Variants in EVC observed in about 807,000 individuals in gnomAD.
EVC encodes the protein evC complex member EVC.
EVC carries 116 observed loss-of-function variants against 118.9 expected under a neutral mutation model. The ratio of observed to expected loss-of-function variants is 0.98; its 90% confidence interval spans 0.84 to 1.14. The LOEUF is 1.14. Among genes scored for constraint, EVC ranks in the 50% most tolerant of loss-of-function variants. EVC has a pLI of 0.00. For synonymous variants in EVC, 619 were observed against 534.7 expected, an observed-to-expected ratio of 1.16 and a Z score of -2.18; for missense variants, 1,401 against 1,246.4, an observed-to-expected ratio of 1.12 and a Z score of -1.87.
rs1712365410 is a variant in EVC, at chr4:5,789,558, C to CT, written c.1777-4049dup. ...GACACTAACAAACTTTCAGCACATG[C>CT]TAGGCATCAATCAATAGATCTTTCC... On this transcript the variant is annotated intron_variant, in intron 12 of 20. Transcript: ENST00000264956. The surrounding 1 kb of genome is among the most constrained non-coding windows in gnomAD (Gnocchi z 4.3). Among the ~76,000 whole-genome samples the CT allele has an allele frequency of 6.6e-6, 1 of 152,198 alleles. No individual in the cohort carries two copies. The highest frequency in any genetic ancestry group is 6.5e-5 in the Admixed American group (1 of 15,280).
At chr4:5,716,794 C>T (rs1724036028) in intron 1 of EVC, among the ~76,000 whole-genome samples, 1 of 152,090 alleles carries the variant, frequency 6.6e-6, no homozygotes, top group Non-Finnish European at 1.5e-5. Flanking sequence ...ATTTGCAGGC[C>T]CTTAAAAAGG....
At chr4:5,819,954 G>A in the EVC span, among the ~76,000 whole-genome samples, 17 of 152,174 alleles carry the variant, frequency 1.1e-4, no homozygotes, top group Admixed American at 5.2e-4. Context: ...AAAGCCCTGC[G>A]TTGATGTGGG....
intron 9 of EVC, among the ~76,000 whole-genome samples, chr4:5,753,278 C>T (rs1353761281): frequency 6.6e-6 from 1 of 152,228 alleles, no homozygotes; most frequent in Non-Finnish European, 1.5e-5. Context: ...GCAGGGGTCA[C>T]CTGCTGCACT....
chr4:5,814,647 C>T (rs572300663), downstream of EVC, among the ~76,000 whole-genome samples: 5 of 152,142 alleles, frequency 3.3e-5, no homozygotes, highest in African/African-American at 1.2e-4. Context: ...TAGCAGATGC[C>T]CTTCCCCTTC....
At chr4:5,817,557 A>G (rs16837698), downstream of EVC, among the ~76,000 whole-genome samples, 6,433 of 152,322 alleles carry the variant, frequency 0.042, 463 homozygotes, top group African/African-American at 0.14. Flanking sequence ...ACTAAGAGAA[A>G]AATAGAAAGT....
chr4:5,750,186 A>C (rs1337920989), intron 8 of EVC, among the ~76,000 whole-genome samples: 1 of 152,294 alleles, frequency 6.6e-6, no homozygotes, highest in Admixed American at 6.5e-5. Context: ...CTGGGCCTGA[A>C]GCTTCCTGGT....
At chr4:5,740,146 TTAAATG>T (rs910569548) in intron 5 of EVC, among the ~76,000 whole-genome samples, 2 of 151,984 alleles carry the variant, frequency 1.3e-5, no homozygotes, top group African/African-American at 4.8e-5. Context: ...GATCACATAC[TTAAATG>T]TAAACAGTAA....
chr4:5,739,095 A>G (rs953920785), intron 5 of EVC, among the ~76,000 whole-genome samples: 4 of 152,216 alleles, frequency 2.6e-5, no homozygotes, highest in East Asian at 1.9e-4. Flanking sequence ...AATCAACCCT[A>G]CAATACCTCC....
intron 1 of EVC, among the ~76,000 whole-genome samples, chr4:5,718,956 T>C (rs1724460148): frequency 6.6e-6 from 1 of 152,168 alleles, no homozygotes; most frequent in African/African-American, 2.4e-5. Flanking sequence ...TGGAACGAGC[T>C]TTGCTCTGCC....
the EVC span, chr4:5,828,539 G>T: frequency 2.5e-6 from 4 of 1,614,100 alleles, no homozygotes; most frequent in Non-Finnish European, 3.4e-6. Flanking sequence ...AACGCCTTCC[G>T]CGGAATGAAG....
intron 11 of EVC, among the ~76,000 whole-genome samples, chr4:5,769,921 G>C (rs986721141): frequency 6.6e-6 from 1 of 152,108 alleles, no homozygotes; most frequent in Non-Finnish European, 1.5e-5. Flanking sequence ...ATGCAAGTTT[G>C]GTGGTCCTGA....
At chr4:5,799,453 G>A (rs111464417) in intron 15 of EVC, among the ~76,000 whole-genome samples, 19 of 152,336 alleles carry the variant, frequency 1.2e-4, no homozygotes, top group Middle Eastern at 3.4e-3. Context: ...AGAGGCCTAC[G>A]ATTGGGCAAA....
chr4:5,748,443 A>T (rs1729711296), intron 8 of EVC, 137 bp downstream of exon 8: 1 of 826,300 alleles, frequency 1.2e-6, no homozygotes, highest in South Asian at 1.7e-5. Context: ...AAAAACCAAC[A>T]ACAACAGTAA....
At chr4:5,801,822 G>A in intron 15 of EVC, 128 bp from the exon 16 acceptor site, 1 of 1,037,182 alleles carries the variant, frequency 9.6e-7, no homozygotes, top group Non-Finnish European at 1.5e-6. Context: ...CCTGCTTCCT[G>A]ACCAATCCAG....
rs1239230025 is a variant in EVC, at chr4:5,814,252, C to T, written c.*3215C>T. 6.6e-6 allele frequency: 1 copy of T among 152,254 alleles called. No individual in the cohort carries two copies. The allele number at this position is 152,254 out of a possible 1,614,324, so 9.4% of individuals were successfully genotyped here. On this transcript the variant is annotated 3_prime_UTR_variant, in exon 21 of 21. Transcript: ENST00000264956. ...GATGGATGTGGATTTGGAAGGGGAC[C>T]ATGAGAGATGATGTATTATGATGAA... is the stretch of plus-strand genomic sequence containing the variant.
chr4:5,715,653 A>G (rs1197828603), intron 1 of EVC, among the ~76,000 whole-genome samples: 1 of 150,586 alleles, frequency 6.6e-6, no homozygotes, highest in Non-Finnish European at 1.5e-5. Flanking sequence ...CTGAAAATAT[A>G]TTCTTCTATC....
At chr4:5,791,604 C>G (rs188355076) in intron 12 of EVC, among the ~76,000 whole-genome samples, 1 of 152,158 alleles carries the variant, frequency 6.6e-6, no homozygotes, top group Non-Finnish European at 1.5e-5. Context: ...AAATATACAA[C>G]TTAAAAACTG....
intron 2 of EVC, among the ~76,000 whole-genome samples, chr4:5,724,849 T>A (rs565037188): frequency 1.3e-5 from 2 of 152,158 alleles, no homozygotes; most frequent in African/African-American, 4.8e-5. Context: ...CAGCATGCAC[T>A]AGCTATTCTC....
intron 12 of EVC, among the ~76,000 whole-genome samples, chr4:5,785,013 C>A (rs999817199): frequency 1.3e-5 from 2 of 152,164 alleles, no homozygotes; most frequent in Admixed American, 6.5e-5. Context: ...CCCCTGCCTT[C>A]GGCCCTCTAG....
Sources: allele counts gnomAD v4.1 joint callset (sites outside exome capture counted in the v4.1 genomes callset), GRCh38; gene constraint gnomAD v4.1.1; non-coding constraint Gnocchi (gnomAD v3.1); transcripts MANE v1.5; gene names NCBI Gene and HGNC (gene_info 2026-07-23, HGNC 2026-07-21).